LIMCH1: variants seen among roughly 807,000 people sequenced by gnomAD.
The protein encoded by LIMCH1 is LIM and calponin homology domains 1.
LIMCH1 carries 113 observed loss-of-function variants against 176.5 expected under a neutral mutation model. The observed-to-expected ratio is 0.64, with a 90% confidence interval of 0.55 to 0.75. The LOEUF (loss-of-function observed/expected upper bound fraction) is 0.75. LIMCH1 is among the 30% of genes least tolerant of loss of function. The pLI, the probability that LIMCH1 is intolerant of heterozygous loss-of-function variation, is 0.00. For synonymous variants in LIMCH1, 619 were observed against 645.9 expected (o/e 0.96, Z 0.63); for missense variants, 1,674 against 1,814.9 (o/e 0.92, Z 1.41).
chr4:41,444,313 TACACACACAC>T (rs71198657), intron 1 of LIMCH1, among the ~76,000 whole-genome samples: 7,100 of 134,166 alleles, frequency 0.053, 159 homozygotes, highest in Middle Eastern at 0.11. Context: ...TGTATATATA[TACACACACAC>T]ACACACACAC....
chr4:41,482,145 G>T (rs554855261), intron 1 of LIMCH1, among the ~76,000 whole-genome samples: 5 of 152,182 alleles, frequency 3.3e-5, no homozygotes, highest in Non-Finnish European at 7.3e-5. Flanking sequence ...TGGGATTACA[G>T]GTGTGAGCCA....
At position 41,360,803 on chromosome 4, in the gene LIMCH1, C is replaced by T. The variant is rs1029137151; in HGVS notation, c.-38C>T. 10 of 1,481,424 alleles carry T rather than the reference C, an allele frequency of 6.8e-6. No individual in the cohort carries two copies. The highest frequency in any genetic ancestry group is 4.5e-5 in the Admixed American group (2 of 44,932). 91.8% of individuals were successfully genotyped at this position (1,481,424 alleles called of 1,614,324 possible). Reference sequence around the variant, plus strand: ...CTGCGGCGGCGACGGCGGCGGCCGTCCTCATCCCGGCGCTTGAGAGGACGC... The same window carrying T: ...CTGCGGCGGCGACGGCGGCGGCCGTTCTCATCCCGGCGCTTGAGAGGACGC... On this transcript the variant is annotated 5_prime_UTR_variant, in exon 1 of 27. Coordinates refer to the LIMCH1 transcript ENST00000313860. This position sits in a 1 kb window ranked among gnomAD's most constrained non-coding sequence, Gnocchi z 4.5.
intron 1 of LIMCH1, among the ~76,000 whole-genome samples, chr4:41,407,748 A>C (rs983584243): frequency 2.0e-5 from 3 of 152,188 alleles, no homozygotes; most frequent in African/African-American, 7.2e-5. Context: ...TTCTCATCAT[A>C]GTATCCCACG....
chr4:41,660,658 TGGA>T (rs1397802246), intron 18 of LIMCH1, among the ~76,000 whole-genome samples: 1 of 152,180 alleles, frequency 6.6e-6, no homozygotes, highest in Non-Finnish European at 1.5e-5. Context: ...TTGTCAAATT[TGGA>T]GGAGAAGGCC....
At chr4:41,648,640 C>T (rs1023742651) in intron 17 of LIMCH1, among the ~76,000 whole-genome samples, 1 of 144,274 alleles carries the variant, frequency 6.9e-6, no homozygotes, top group Admixed American at 7.0e-5. Context: ...AATGCCAGGA[C>T]AGAAGCTAAG....
intron 18 of LIMCH1, among the ~76,000 whole-genome samples, chr4:41,652,744 T>A (rs2094345757): frequency 6.6e-6 from 1 of 152,218 alleles, no homozygotes; most frequent in African/African-American, 2.4e-5. Context: ...CAAAGTAACT[T>A]GTTTTAAGAG....
intron 1 of LIMCH1, among the ~76,000 whole-genome samples, chr4:41,487,916 T>G (rs2069990832): frequency 1.5e-5 from 2 of 134,134 alleles, no homozygotes; most frequent in African/African-American, 5.8e-5. Flanking sequence ...CCTCCCAAAG[T>G]GCTTTTTTTT....
At chr4:41,581,956 T>C (rs998926962) in intron 1 of LIMCH1, among the ~76,000 whole-genome samples, 15 of 152,184 alleles carry the variant, frequency 9.9e-5, no homozygotes, top group African/African-American at 2.9e-4. Flanking sequence ...CTTCCTTTTA[T>C]GGCTAATATT....
At chr4:41,575,825 A>G (rs2084374913) in intron 1 of LIMCH1, among the ~76,000 whole-genome samples, 1 of 152,174 alleles carries the variant, frequency 6.6e-6, no homozygotes, top group African/African-American at 2.4e-5. Flanking sequence ...TGTTGATCTT[A>G]TAGGAGATTC....
chr4:41,522,236 C>G (rs2076192963), intron 2 of LIMCH1, among the ~76,000 whole-genome samples: 1 of 152,098 alleles, frequency 6.6e-6, no homozygotes, highest in South Asian at 2.1e-4. Flanking sequence ...GGGCATAGCT[C>G]CATATGTATG....
At chr4:41,419,205 T>C (rs2060226444) in intron 1 of LIMCH1, among the ~76,000 whole-genome samples, 1 of 151,656 alleles carries the variant, frequency 6.6e-6, no homozygotes. Flanking sequence ...TGAGACGGAG[T>C]CTAGCTCTGT....
chr4:41,529,355 T>C (rs1426490267), intron 3 of LIMCH1, among the ~76,000 whole-genome samples: 2 of 152,216 alleles, frequency 1.3e-5, no homozygotes, highest in African/African-American at 4.8e-5. Flanking sequence ...CATATGCACA[T>C]GTGAAGTATA....
chr4:41,390,057 A>G (rs555790887), intron 1 of LIMCH1, among the ~76,000 whole-genome samples: 2 of 152,014 alleles, frequency 1.3e-5, no homozygotes, highest in East Asian at 3.9e-4. Flanking sequence ...TTTTTTTTTA[A>G]CTGGAGAGAC....
intron 1 of LIMCH1, among the ~76,000 whole-genome samples, chr4:41,377,182 T>A (rs2054886766): frequency 6.6e-6 from 1 of 152,230 alleles, no homozygotes; most frequent in Non-Finnish European, 1.5e-5. Context: ...TGCTTCAAGC[T>A]GTGGATTGGC....
chr4:41,449,475 C>T (rs1224059549), intron 1 of LIMCH1, among the ~76,000 whole-genome samples: 2 of 152,038 alleles, frequency 1.3e-5, no homozygotes, highest in South Asian at 2.1e-4. Context: ...CATTTTAGGC[C>T]CCAGGGATTG....
chr4:41,467,527 A>G (rs1304067952), intron 1 of LIMCH1, among the ~76,000 whole-genome samples: 1 of 152,172 alleles, frequency 6.6e-6, no homozygotes. Flanking sequence ...TTATAAAACC[A>G]TCAGATCTCG....
At chr4:41,484,239 T>C (rs1249132783) in intron 1 of LIMCH1, among the ~76,000 whole-genome samples, 1 of 152,222 alleles carries the variant, frequency 6.6e-6, no homozygotes, top group Non-Finnish European at 1.5e-5. Flanking sequence ...CATCAATCTA[T>C]TGTTTTCTAA....
intron 3 of LIMCH1, among the ~76,000 whole-genome samples, chr4:41,531,214 A>G (rs1292955950): frequency 6.6e-6 from 1 of 152,122 alleles, no homozygotes; most frequent in Non-Finnish European, 1.5e-5. Context: ...GTTAGAAATC[A>G]GACTCTCTCA....
At chr4:41,613,421 AGG>A in intron 4 of LIMCH1, 43 bp from the exon 5 acceptor site, 1 of 1,534,014 alleles carries the variant, frequency 6.5e-7, no homozygotes, top group Admixed American at 1.7e-5. Context: ...CTGATAGTGT[AGG>A]CTAGAATTAT....
Sources: allele counts gnomAD v4.1 joint callset (sites outside exome capture counted in the v4.1 genomes callset), GRCh38; gene constraint gnomAD v4.1.1; non-coding constraint Gnocchi (gnomAD v3.1); transcripts MANE v1.5; gene names NCBI Gene and HGNC (gene_info 2026-07-23, HGNC 2026-07-21).